The following NFIA variants were observed in gnomAD, a reference collection of about 807,000 sequenced individuals.
NFIA encodes the protein nuclear factor 1 A-type.
Under a neutral mutation model 62.8 loss-of-function variants are expected in NFIA, and 8 were observed. The ratio of observed to expected loss-of-function variants is 0.13; its 90% CI spans 0.07 to 0.23. The LOEUF (loss-of-function observed/expected upper bound fraction) is 0.23. Among genes scored for constraint, NFIA ranks in the 10% least tolerant of loss-of-function variants. NFIA has a pLI of 1.00. For missense variants in NFIA, 410 were observed against 642.1 expected, an observed-to-expected ratio of 0.64 and a Z score of 3.91; for synonymous variants, 235 against 238.1, an observed-to-expected ratio of 0.99 and a Z score of 0.12.
chr1:61,388,803 C>CA (rs977440880), intron 7 of NFIA, among the ~76,000 whole-genome samples: 28 of 152,098 alleles, frequency 1.8e-4, no homozygotes, highest in African/African-American at 6.8e-4. Context: ...AATAAGGAGT[C>CA]ACATTTTTCT....
chr1:61,411,337 G>T (rs74953830), intron 9 of NFIA, among the ~76,000 whole-genome samples: 1 of 152,100 alleles, frequency 6.6e-6, no homozygotes, highest in Admixed American at 6.6e-5. Context: ...TGGGGGTGGG[G>T]CAAGAATAAT....
At chr1:61,285,889 C>T (rs1042843407) in intron 3 of NFIA, among the ~76,000 whole-genome samples, 2 of 152,150 alleles carry the variant, frequency 1.3e-5, no homozygotes, top group Middle Eastern at 3.2e-3. Context: ...GAAGGAAAGT[C>T]AGTGTTTTCT....
intron 2 of NFIA, among the ~76,000 whole-genome samples, chr1:61,246,089 C>G (rs1655629576): frequency 6.6e-6 from 1 of 152,152 alleles, no homozygotes; most frequent in Non-Finnish European, 1.5e-5. Context: ...TATGTGTCCA[C>G]AGTTTGAAGA....
chr1:61,222,764 A>G (rs1211403664), intron 2 of NFIA, among the ~76,000 whole-genome samples: 2 of 152,100 alleles, frequency 1.3e-5, no homozygotes, highest in African/African-American at 4.8e-5. Flanking sequence ...ACCTTCATAT[A>G]TGTAAGATAT....
chr1:61,429,675 T>C (rs1667017991), intron 10 of NFIA, among the ~76,000 whole-genome samples: 1 of 152,246 alleles, frequency 6.6e-6, no homozygotes, highest in African/African-American at 2.4e-5. Context: ...CAAGTGTCCA[T>C]TGACAGATGA....
At chr1:61,181,557 C>T (rs1332022438) in intron 2 of NFIA, among the ~76,000 whole-genome samples, 1 of 152,148 alleles carries the variant, frequency 6.6e-6, no homozygotes, top group African/African-American at 2.4e-5. Flanking sequence ...TTTTATCATA[C>T]AAATGCAACA....
chr1:61,286,043 G>A (rs1265697900), intron 3 of NFIA, among the ~76,000 whole-genome samples: 1 of 152,166 alleles, frequency 6.6e-6, no homozygotes, highest in Non-Finnish European at 1.5e-5. Context: ...GCCTGACACT[G>A]AGCGTCTGTT....
intron 3 of NFIA, among the ~76,000 whole-genome samples, chr1:61,324,463 G>A (rs916833926): frequency 7.2e-5 from 11 of 152,180 alleles, no homozygotes; most frequent in African/African-American, 2.7e-4. Context: ...TTAACCAGAC[G>A]AGATTTGATC....
intron 8 of NFIA, among the ~76,000 whole-genome samples, chr1:61,405,927 A>G (rs1665796481): frequency 6.6e-6 from 1 of 152,198 alleles, no homozygotes; most frequent in South Asian, 2.1e-4. Context: ...ATTTTTCCCT[A>G]GCAGACTTCT....
intron 4 of NFIA, among the ~76,000 whole-genome samples, chr1:61,338,658 C>T (rs1215024912): frequency 2.0e-5 from 3 of 152,120 alleles, no homozygotes; most frequent in Admixed American, 6.6e-5. Flanking sequence ...AACAAGAAAA[C>T]GAAACTCTTG....
intron 6 of NFIA, among the ~76,000 whole-genome samples, chr1:61,378,902 G>A (rs1664274638): frequency 6.6e-6 from 1 of 152,108 alleles, no homozygotes; most frequent in Non-Finnish European, 1.5e-5. Context: ...TCACAATATG[G>A]CAGCTGACTT....
chr1:61,387,477 T>TTTTTGTTTG (rs1553180846), intron 7 of NFIA, among the ~76,000 whole-genome samples: 1 of 130,662 alleles, frequency 7.7e-6, no homozygotes, highest in African/African-American at 2.9e-5. Flanking sequence ...TCTTTTTTTT[T>TTTTTGTTTG]TTTTTTTTTT....
chr1:61,340,764 C>G (rs948483733), intron 4 of NFIA, among the ~76,000 whole-genome samples: 1 of 150,960 alleles, frequency 6.6e-6, no homozygotes, highest in African/African-American at 2.5e-5. Context: ...GTTCTAACAA[C>G]CAATTATTAG....
intron 3 of NFIA, among the ~76,000 whole-genome samples, chr1:61,320,584 C>T (rs1660629759): frequency 1.3e-5 from 2 of 152,124 alleles, no homozygotes; most frequent in Admixed American, 1.3e-4. Context: ...TATTGCTTCA[C>T]TCCATCCAGG....
At chr1:61,401,859 G>C (rs888526624) in intron 7 of NFIA, among the ~76,000 whole-genome samples, 1 of 152,152 alleles carries the variant, frequency 6.6e-6, no homozygotes, top group African/African-American at 2.4e-5. Flanking sequence ...AAGGAGGACT[G>C]TACCATGTTG....
intron 7 of NFIA, among the ~76,000 whole-genome samples, chr1:61,393,766 C>A (rs1041358546): frequency 6.6e-6 from 1 of 152,082 alleles, no homozygotes; most frequent in Admixed American, 6.5e-5. Flanking sequence ...TAATAGCTAC[C>A]CCCAGGAGAT....
At chr1:61,221,501 C>T (rs556956352) in intron 2 of NFIA, among the ~76,000 whole-genome samples, 37 of 152,164 alleles carry the variant, frequency 2.4e-4, no homozygotes, top group Non-Finnish European at 4.1e-4. Flanking sequence ...AATAAATAGA[C>T]CTTCCATAGA....
rs140434874 is a variant in NFIA, at chr1:61,396,134, G to A, written c.1076-7970G>A. 8.4e-3 allele frequency among the ~76,000 whole-genome samples: 1,285 copies of A among 152,274 alleles called. 7 individuals are homozygous for A. The highest frequency in any genetic ancestry group is 0.014 in the Admixed American group (220 of 15,294). ...GCCACCCACATTTATAATATGCCAG[G>A]TAGTGGCAGAAACTAAGTTAAAACC... On this transcript the variant is annotated intron_variant, in intron 7 of 10. Transcript: ENST00000403491.
At chr1:61,383,688 GAC>G (rs1208819062) in intron 7 of NFIA, among the ~76,000 whole-genome samples, 4 of 152,204 alleles carry the variant, frequency 2.6e-5, no homozygotes, top group African/African-American at 7.2e-5. Context: ...GAGAGAGAGA[GAC>G]AGAATGTGTG....
Sources: allele counts gnomAD v4.1 joint callset (sites outside exome capture counted in the v4.1 genomes callset), GRCh38; gene constraint gnomAD v4.1.1; transcripts MANE v1.5; gene names NCBI Gene and HGNC (gene_info 2026-07-23, HGNC 2026-07-21).